The following NCS1 variants were observed in gnomAD, a reference collection of about 807,000 sequenced individuals.
NCS1 encodes the protein neuronal calcium sensor 1, also known as frequenin homolog.
NCS1 carries 6 observed loss-of-function variants against 28.4 expected under a neutral mutation model. That is an observed-to-expected ratio of 0.21 (90% CI 0.12 to 0.42). The LOEUF is 0.42. Among genes scored for constraint, NCS1 ranks in the 10% least tolerant of loss-of-function variants. NCS1 has a pLI of 1.00. For synonymous variants in NCS1, 86 were observed against 99.3 expected, an observed-to-expected ratio of 0.87 and a Z score of 0.79; for missense variants, 131 against 241.4, an observed-to-expected ratio of 0.54 and a Z score of 3.03.
chr9:130,234,005 T>C lies in NCS1; in HGVS notation c.*1033T>C, dbSNP rs1275966761. The stretch of plus-strand genomic sequence containing the variant: ...GGGACATCTTTAGGTTTCTCAACTC[T>C]TGCTTTGGTGTTTGCCGCAGCATGG... On this transcript the variant is annotated 3_prime_UTR_variant, in exon 8 of 8. Transcript: ENST00000372398. This position sits in a 1 kb window ranked among gnomAD's most constrained non-coding sequence, Gnocchi z 6.1. The C allele has an allele frequency of 1.3e-5, 2 of 152,214 alleles. No homozygotes were observed. The highest frequency in any genetic ancestry group is 4.8e-5 in the African/African-American group (2 of 41,440). The allele number at this position is 152,214 out of a possible 1,614,324, so 9.4% of individuals were successfully genotyped here. A position where few individuals can be genotyped will look rare whatever the true frequency, so the allele number is the denominator to read the frequency against.
At chr9:130,228,740 C>T (rs1334680927) in intron 7 of NCS1, among the ~76,000 whole-genome samples, 1 of 151,144 alleles carries the variant, frequency 6.6e-6, no homozygotes, top group Admixed American at 6.6e-5. Flanking sequence ...GATTTCAGCT[C>T]ACTGCAGCCT....
In NCS1 at chr9:130,219,754, C is replaced by T; in HGVS notation, c.258C>T (p.Ile86=). 6.2e-7 allele frequency: 1 copy of T among 1,614,234 alleles called. No individual in the cohort carries two copies. Among genetic ancestry groups the T allele is most frequent in the Non-Finnish European group, 8.5e-7 (1 of 1,180,036 alleles). ...GGCGAATTGAGTTCTCCGAGTTCATCCAGGCGCTGTCGGTGACCTCACGGG... is the reference window on the plus strand; with the variant it reads ...GGCGAATTGAGTTCTCCGAGTTCATTCAGGCGCTGTCGGTGACCTCACGGG... ...KDGRIEFSEF[I]QALSVTSRGT... The change falls in exon 4 of 8, where the codon ATC becomes ATT. Residue 86 remains isoleucine, a synonymous_variant. Transcript: ENST00000372398. This position sits in a 1 kb window ranked among gnomAD's most constrained non-coding sequence, Gnocchi z 5.7.
At position 130,237,175 on chromosome 9, in the gene NCS1, C is replaced by T. The variant is rs1833606245; in HGVS notation, c.*4203C>T. On this transcript the variant is annotated 3_prime_UTR_variant, in exon 8 of 8. Coordinates refer to ENST00000372398, the MANE Select transcript of NCS1 (RefSeq NM_014286.4). ...TGTCTGAACCTGCCGGTGTGTGTCT[C>T]TGGGGCCAGGGTCAGGGCGAGGCCC... 6.6e-6 allele frequency: 1 copy of T among 152,292 alleles called. No homozygotes were observed. Among genetic ancestry groups the T allele is most frequent in the Admixed American group, 6.6e-5 (1 of 15,266 alleles). The allele number at this position is 152,292 out of a possible 1,614,324, so 9.4% of individuals were successfully genotyped here.
chr9:130,182,069 C>T (rs1564702431), intron 1 of NCS1, among the ~76,000 whole-genome samples: 1 of 151,760 alleles, frequency 6.6e-6, no homozygotes, highest in Non-Finnish European at 1.5e-5. Context: ...GGGGAGATGA[C>T]AGCAATGACG....
At position 130,231,075 on chromosome 9, in the gene NCS1, G is replaced by A. The variant is rs74690826; in HGVS notation, c.*18-1915G>A. 4.2e-3 allele frequency among the ~76,000 whole-genome samples: 635 copies of A among 152,166 alleles called. 4 individuals are homozygous for A. Among genetic ancestry groups the A allele is most frequent in the Non-Finnish European group, 7.7e-3 (524 of 68,014 alleles). Reference sequence around the variant, plus strand: ...GGTCTCTTAAATTTATTTAGACCATGTGCAGTGGCTGACGCCTGTAATCCC... The same window carrying A: ...GGTCTCTTAAATTTATTTAGACCATATGCAGTGGCTGACGCCTGTAATCCC... On this transcript the variant is annotated intron_variant, in intron 7 of 7. Coordinates refer to ENST00000372398, the MANE Select transcript of NCS1 (RefSeq NM_014286.4).
chr9:130,184,209 T>C (rs980628083), intron 1 of NCS1, among the ~76,000 whole-genome samples: 1 of 152,196 alleles, frequency 6.6e-6, no homozygotes, highest in African/African-American at 2.4e-5. Context: ...CTTCTAGCCC[T>C]GTGACCACTT....
rs1194233506 is a variant in NCS1 at position 130,209,797 on chromosome 9, C to T, written c.90-8035C>T. Among the ~76,000 whole-genome samples, 1 of 152,162 alleles carries T rather than the reference C, an allele frequency of 6.6e-6. No individual in the cohort carries two copies. The highest frequency in any genetic ancestry group is 1.5e-5 in the Non-Finnish European group (1 of 68,040). ...TGTTGAATCTAGGATTTTCTTTTCT[C>T]ATCTCTACCCTGTCTCGTGGAGCTG... On this transcript the variant is annotated intron_variant, in intron 2 of 7. Coordinates refer to ENST00000372398, the MANE Select transcript of NCS1 (RefSeq NM_014286.4). The surrounding 1 kb of genome is among the most constrained non-coding windows in gnomAD (Gnocchi z 4.4).
intron 6 of NCS1, among the ~76,000 whole-genome samples, chr9:130,224,460 A>C (rs1210165225): frequency 6.7e-6 from 1 of 149,616 alleles, no homozygotes; most frequent in African/African-American, 2.5e-5. Context: ...CGGGAGGCTG[A>C]GGGAGGAGAA....
At chr9:130,206,276 T>C (rs1174428795) in intron 2 of NCS1, among the ~76,000 whole-genome samples, 1 of 152,128 alleles carries the variant, frequency 6.6e-6, no homozygotes, top group East Asian at 1.9e-4. Context: ...GTCCCCTCTG[T>C]CCTTTGCACA....
chr9:130,216,736 T>A (rs1833195551), intron 2 of NCS1, among the ~76,000 whole-genome samples: 1 of 149,898 alleles, frequency 6.7e-6, no homozygotes, highest in Non-Finnish European at 1.5e-5. Context: ...AAAAAAGGCT[T>A]CCTCGTAGTA....
At chr9:130,184,922 C>T (rs1554905483) in intron 1 of NCS1, among the ~76,000 whole-genome samples, 6 of 151,954 alleles carry the variant, frequency 3.9e-5, no homozygotes, top group African/African-American at 1.5e-4. Context: ...TGAGATTGCG[C>T]CACTGCAGTC....
intron 3 of NCS1, among the ~76,000 whole-genome samples, chr9:130,218,595 A>ATT (rs139366099): frequency 6.8e-6 from 1 of 147,328 alleles, no homozygotes. Context: ...CTTTACATGG[A>ATT]TTTTTTTTTT....
chr9:130,201,378 T>C (rs1409764268), intron 2 of NCS1, among the ~76,000 whole-genome samples: 1 of 152,192 alleles, frequency 6.6e-6, no homozygotes, highest in African/African-American at 2.4e-5. Context: ...TTCGATTGGA[T>C]CAGGGATGGC....
At chr9:130,187,681 G>A (rs1426352805) in intron 1 of NCS1, among the ~76,000 whole-genome samples, 2 of 152,204 alleles carry the variant, frequency 1.3e-5, no homozygotes, top group Non-Finnish European at 2.9e-5. Context: ...CCCAGTCTCT[G>A]CGTCCCTGCC....
intron 1 of NCS1, among the ~76,000 whole-genome samples, chr9:130,198,194 G>C (rs536933495): frequency 3.1e-4 from 47 of 152,288 alleles, no homozygotes; most frequent in African/African-American, 1.1e-3. Flanking sequence ...CTTTCCAATG[G>C]GGGGAGCCCT....
At chr9:130,204,004 T>G (rs1277332682) in intron 2 of NCS1, among the ~76,000 whole-genome samples, 1 of 152,140 alleles carries the variant, frequency 6.6e-6, no homozygotes, top group African/African-American at 2.4e-5. Context: ...TTTTCTTTAA[T>G]TTTTTTGAGA....
intron 2 of NCS1, among the ~76,000 whole-genome samples, chr9:130,211,254 C>G (rs1833108782): frequency 1.3e-5 from 2 of 151,730 alleles, no homozygotes; most frequent in African/African-American, 4.8e-5. Context: ...CCCTCTGCCA[C>G]CCCTTTCTCC....
intron 1 of NCS1, among the ~76,000 whole-genome samples, chr9:130,194,152 C>A (rs539521491): frequency 1.3e-5 from 2 of 152,342 alleles, no homozygotes; most frequent in South Asian, 4.1e-4. Context: ...TTGCTCCCAC[C>A]ATGTTTGAGC....
rs1318637761 is a variant in NCS1 at position 130,186,148 on chromosome 9, A to T, written c.64+13421A>T. On this transcript the variant is annotated intron_variant, in intron 1 of 7. Transcript: ENST00000372398. This position sits in a 1 kb window ranked among gnomAD's most constrained non-coding sequence, Gnocchi z 4.1. ...CCAGCCCTCACTCCTTGATTTAGAG[A>T]ATGTTTATGGAACAGCTGCCTCGTG... Among the ~76,000 whole-genome samples, 4 of 152,104 alleles carry T rather than the reference A, an allele frequency of 2.6e-5. No individual in the cohort carries two copies. The highest frequency in any genetic ancestry group is 5.9e-5 in the Non-Finnish European group (4 of 68,012).
Sources: gnomAD v4.1 joint callset for allele counts (sites outside exome capture counted in the v4.1 genomes callset) on GRCh38, gnomAD v4.1.1 for gene constraint, Gnocchi (gnomAD v3.1) non-coding constraint, MANE v1.5 for transcripts, NCBI Gene and HGNC (gene_info 2026-07-23, HGNC 2026-07-21) for gene names.